The following SNX33 variants were observed in gnomAD, a reference collection of about 807,000 sequenced individuals.
The protein encoded by SNX33 is sorting nexin-33.
Under a neutral mutation model 38.8 loss-of-function variants are expected in SNX33, and 19 were observed. That is an observed-to-expected ratio of 0.49 (90% confidence interval 0.34 to 0.72). SNX33 has a LOEUF of 0.72. Ranked by LOEUF, SNX33 falls within the 30% of genes least tolerant of loss-of-function variation. SNX33 has a pLI of 0.01. For synonymous variants in SNX33, 246 were observed against 289.7 expected (o/e 0.85, Z 1.53); for missense variants, 641 against 776.4 (o/e 0.83, Z 2.07).
chr15:75,654,779 C>G (rs941525215), intron 1 of SNX33, among the ~76,000 whole-genome samples: 1 of 152,164 alleles, frequency 6.6e-6, no homozygotes, highest in South Asian at 2.1e-4. Flanking sequence ...TGTTTCCCCC[C>G]GACCTCTGCA....
rs747215400 is a variant in SNX33 at position 75,649,085 on chromosome 15, A to G, written c.-18A>G. 80 of 1,563,490 alleles carry G rather than the reference A, an allele frequency of 5.1e-5. No homozygotes were observed. The highest frequency in any genetic ancestry group is 6.7e-5 in the Non-Finnish European group (77 of 1,152,234). ...AGGACCCTCTCCTTCCCATCTTTCT[A>G]TACCACCCAGCCCAGCCATGGCACT... On this transcript the variant is annotated 5_prime_UTR_variant, in exon 1 of 2. Transcript: ENST00000308527. The surrounding 1 kb of genome is among the most constrained non-coding windows in gnomAD (Gnocchi z 6.6).
At chr15:75,655,965 T>C (rs1411637671) in intron 1 of SNX33, among the ~76,000 whole-genome samples, 1 of 152,240 alleles carries the variant, frequency 6.6e-6, no homozygotes, top group Admixed American at 6.5e-5. Context: ...AAGTCCCTTT[T>C]AATTCAGAAC....
In SNX33 at chr15:75,661,996, G is replaced by C. The variant is rs1404547055; in HGVS notation, c.*4781G>C. The C allele has an allele frequency of 6.6e-6, 1 of 152,158 alleles. No homozygotes were observed. The highest frequency in any genetic ancestry group is 2.4e-5 in the African/African-American group (1 of 41,408). 9.4% of individuals were successfully genotyped at this position (152,158 alleles called of 1,614,324 possible). ...GTGACTCAGGAGCTCCGTTTACAAA[G>C]GAACATGAGTGAGGAACATAACTTA... On this transcript the variant is annotated 3_prime_UTR_variant, in exon 2 of 2. Transcript: ENST00000308527. The surrounding 1 kb of genome is among the most constrained non-coding windows in gnomAD (Gnocchi z 4.5).
intron 1 of SNX33, among the ~76,000 whole-genome samples, chr15:75,655,690 G>A (rs543832805): frequency 7.4e-4 from 113 of 152,310 alleles, no homozygotes; most frequent in African/African-American, 2.6e-3. Context: ...GAGCCAGGGA[G>A]TGAAGAGAAT....
chr15:75,647,973 AG>A lies in SNX33; in HGVS notation c.-1128del, dbSNP rs1893517831. ...GCGGAGGGTCTGCGAGCGCCGGGGA[AG>A]GCAGGCTGGGGGCGCAGCCCGCCCC... is the stretch of plus-strand genomic sequence containing the variant. On this transcript the variant is annotated 5_prime_UTR_variant, in exon 1 of 2. Coordinates refer to ENST00000308527, the MANE Select transcript of SNX33 (RefSeq NM_153271.2). The A allele has an allele frequency of 1.0e-6, 1 of 985,206 alleles. No homozygotes were observed. 61.0% of individuals were successfully genotyped at this position (985,206 alleles called of 1,614,324 possible).
intron 1 of SNX33, 44 bp from the exon 2 acceptor site, chr15:75,656,918 A>G: frequency 6.3e-7 from 1 of 1,590,596 alleles, no homozygotes; most frequent in Non-Finnish European, 8.6e-7. Context: ...GAGCACATGG[A>G]GATCAGAGCC....
Position 75,650,392 on chromosome 15 carries a change from G to C in SNX33, c.1290G>C (p.Met430Ile). ...AFQAISHSFQ[M>I]DPPFCSEALN... is the part of the protein sequence containing the mutation. The stretch of plus-strand genomic sequence containing the variant: ...AGGCCATCAGTCATTCCTTCCAGAT[G>C]GACCCCCCCTTTTGCTCTGAGGCCC... Residue 430 changes from methionine to isoleucine, a missense_variant, in exon 1 of 2, where the codon ATG (methionine) becomes ATC (isoleucine). By Grantham distance (10) the Met-to-Ile change is conservative. Around this residue, in one of 2 missense-constraint regions of SNX33, gnomAD observed 398 missense variants for 542.5 expected, o/e 0.73. Transcript: ENST00000308527. This position sits in a 1 kb window ranked among gnomAD's most constrained non-coding sequence, Gnocchi z 6.1. 6.2e-7 allele frequency: 1 copy of C among 1,613,532 alleles called. No individual in the cohort carries two copies. Among genetic ancestry groups the C allele is most frequent in the Non-Finnish European group, 8.5e-7 (1 of 1,179,780 alleles).
At position 75,649,442 on chromosome 15, in the gene SNX33, G is replaced by A. The variant is rs373531151; in HGVS notation, c.340G>A (p.Asp114Asn). The A allele has an allele frequency of 1.5e-5, 23 of 1,537,158 alleles. No homozygotes were observed. The highest frequency in any genetic ancestry group is 1.4e-4 in the Admixed American group (7 of 50,760). ...SNQGSFEEDD[D>N]DDWDDWDDGC... The stretch of plus-strand genomic sequence containing the variant: ...CCAGGGTAGCTTTGAGGAGGATGAT[G>A]ATGATGACTGGGATGACTGGGACGA... The change falls in exon 1 of 2, where the codon GAT (aspartate) becomes AAT (asparagine). Residue 114 changes from aspartate (D) to asparagine (N), a missense_variant. By Grantham distance (23) the Asp-to-Asn change is conservative. Coordinates refer to ENST00000308527, the MANE Select transcript of SNX33 (RefSeq NM_153271.2). This position sits in a 1 kb window ranked among gnomAD's most constrained non-coding sequence, Gnocchi z 6.6.
At chr15:75,656,564 G>C (rs558538290) in intron 1 of SNX33, among the ~76,000 whole-genome samples, 1 of 152,282 alleles carries the variant, frequency 6.6e-6, no homozygotes, top group African/African-American at 2.4e-5. Flanking sequence ...TGTTGTAGCA[G>C]TCCAGTGAGG....
chr15:75,650,524 C>T lies in SNX33; in HGVS notation c.1422C>T (p.Leu474=). The T allele has an allele frequency of 1.2e-6, 2 of 1,611,432 alleles. No individual in the cohort carries two copies. The highest frequency in any genetic ancestry group is 1.3e-5 in the African/African-American group (1 of 74,928). Residue 474 remains leucine, a synonymous_variant, in exon 1 of 2, where the codon CTC becomes CTT. Coordinates refer to ENST00000308527, the MANE Select transcript of SNX33 (RefSeq NM_153271.2). This position sits in a 1 kb window ranked among gnomAD's most constrained non-coding sequence, Gnocchi z 6.1. ...DLFQMLDTLS[L]YQGLLSNFPD... The stretch of plus-strand genomic sequence containing the variant: ...TCCAGATGCTGGACACACTGTCTCT[C>T]TACCAGGGCCTGCTCTCCAACTTCC...
chr15:75,657,306 G>A lies in SNX33; in HGVS notation c.*91G>A. 2 of 1,566,832 alleles carry A rather than the reference G, an allele frequency of 1.3e-6. No individual in the cohort carries two copies. Among genetic ancestry groups the A allele is most frequent in the South Asian group, 2.4e-5 (2 of 84,888 alleles). ...CCTCCCTATACCAGCAGTGACTGGG[G>A]GAGGGGTCAGCGGTGGGGGAGATAA... On this transcript the variant is annotated 3_prime_UTR_variant, in exon 2 of 2. Transcript: ENST00000308527. The surrounding 1 kb of genome is among the most constrained non-coding windows in gnomAD (Gnocchi z 5.5).
chr15:75,654,376 T>G (rs1439911892), intron 1 of SNX33, among the ~76,000 whole-genome samples: 3 of 152,162 alleles, frequency 2.0e-5, no homozygotes, highest in African/African-American at 7.2e-5. Flanking sequence ...GCAAGAGCAG[T>G]GGCTTGCTGG....
In SNX33 at chr15:75,650,887, CAA is replaced by C. The variant is rs1893571273; in HGVS notation, c.1471+316_1471+317del. On this transcript the variant is annotated intron_variant, in intron 1 of 1. Transcript: ENST00000308527. The surrounding 1 kb of genome is among the most constrained non-coding windows in gnomAD (Gnocchi z 6.1). ...ACAAACAAACAAACAAACAAACAAA[CAA>C]ATGTGTTGAATATCAACTCTGTGTC... Among the ~76,000 whole-genome samples the C allele has an allele frequency of 1.3e-5, 2 of 152,114 alleles. No homozygotes were observed.
At chr15:75,651,952 G>C (rs574323095) in intron 1 of SNX33, among the ~76,000 whole-genome samples, 3 of 151,934 alleles carry the variant, frequency 2.0e-5, no homozygotes, top group African/African-American at 7.3e-5. Context: ...AACTTCTCCA[G>C]CTCCCAGCCT....
In SNX33 at chr15:75,648,342, CG is replaced by C. The variant is rs1893524238; in HGVS notation, c.-757del. ...GGGTTGGGGCTGGCCACTTCTGGGGCGGGGAGAGGGCGCCCGAGCCGGCGGG... is the reference window on the plus strand; with the variant it reads ...GGGTTGGGGCTGGCCACTTCTGGGGCGGGAGAGGGCGCCCGAGCCGGCGGG... On this transcript the variant is annotated 5_prime_UTR_variant, in exon 1 of 2. Transcript: ENST00000308527. This position sits in a 1 kb window ranked among gnomAD's most constrained non-coding sequence, Gnocchi z 4.4. The C allele has an allele frequency of 1.0e-6, 1 of 984,622 alleles. No homozygotes were observed. Among genetic ancestry groups the C allele is most frequent in the African/African-American group, 1.8e-5 (1 of 57,060 alleles). The allele number at this position is 984,622 out of a possible 1,614,324, so 61.0% of individuals were successfully genotyped here.
Position 75,649,318 on chromosome 15 carries a change from C to A in SNX33, c.216C>A (p.Ser72Arg). Residue 72 changes from serine to arginine, a missense_variant, in exon 1 of 2, where the codon AGC becomes AGA. This residue lies in a region of SNX33 where 243 missense variants were observed against 233.9 expected (regional missense o/e 1.04). Coordinates refer to ENST00000308527, the MANE Select transcript of SNX33 (RefSeq NM_153271.2). This position sits in a 1 kb window ranked among gnomAD's most constrained non-coding sequence, Gnocchi z 6.6. ...GISTNHADYS[S>R]SPAGSPGAQV... ...GCACCAACCATGCTGACTACTCCAG[C>A]AGCCCTGCAGGCTCTCCCGGAGCCC... 6.3e-7 allele frequency: 1 copy of A among 1,595,192 alleles called. No individual in the cohort carries two copies.
chr15:75,648,081 C>T lies in SNX33; in HGVS notation c.-1022C>T, dbSNP rs1893519423. On this transcript the variant is annotated 5_prime_UTR_variant, in exon 1 of 2. Coordinates refer to ENST00000308527, the MANE Select transcript of SNX33 (RefSeq NM_153271.2). The surrounding 1 kb of genome is among the most constrained non-coding windows in gnomAD (Gnocchi z 4.4). ...CGCCATCTGCTCGCCGGAGCTCACT[C>T]TCCAAACTCCAAACTGTTGAGTGTG... is the stretch of plus-strand genomic sequence containing the variant. The T allele has an allele frequency of 1.0e-6, 1 of 985,354 alleles. No homozygotes were observed. Among genetic ancestry groups the T allele is most frequent in the Admixed American group, 6.1e-5 (1 of 16,272 alleles). 61.0% of individuals were successfully genotyped at this position (985,354 alleles called of 1,614,324 possible). A position where few individuals can be genotyped will look rare whatever the true frequency, so the allele number is the denominator to read the frequency against.
chr15:75,648,022 C>A lies in SNX33; in HGVS notation c.-1081C>A. On this transcript the variant is annotated 5_prime_UTR_variant, in exon 1 of 2. Transcript: ENST00000308527. The surrounding 1 kb of genome is among the most constrained non-coding windows in gnomAD (Gnocchi z 4.4). ...CCCCCACTGGCCGGGCCCCGCAGGG[C>A]GGAGAGGAGGACGGACGGACAGACG... The A allele has an allele frequency of 4.1e-6, 4 of 985,464 alleles. No homozygotes were observed. Among genetic ancestry groups the A allele is most frequent in the Non-Finnish European group, 4.8e-6 (4 of 829,954 alleles). The allele number at this position is 985,464 out of a possible 1,614,324, so 61.0% of individuals were successfully genotyped here.
In SNX33 at chr15:75,649,586, C is replaced by G; in HGVS notation, c.484C>G (p.Pro162Ala). 1 of 1,613,914 alleles carries G rather than the reference C, an allele frequency of 6.2e-7. No individual in the cohort carries two copies. The highest frequency in any genetic ancestry group is 8.5e-7 in the Non-Finnish European group (1 of 1,179,890). Residue 162 changes from proline (P) to alanine (A), a missense_variant, in exon 1 of 2, where the codon CCA (proline) becomes GCA (alanine). Around this residue, in one of 2 missense-constraint regions of SNX33, gnomAD observed 243 missense variants for 233.9 expected, o/e 1.04. Coordinates refer to ENST00000308527, the MANE Select transcript of SNX33 (RefSeq NM_153271.2). The surrounding 1 kb of genome is among the most constrained non-coding windows in gnomAD (Gnocchi z 6.6). Reference sequence around the variant, plus strand: ...CCAGCACATGGCCTTCCGGCCCAAGCCACCACTGGAGCGGCAGGACAGCCT... The same window carrying G: ...CCAGCACATGGCCTTCCGGCCCAAGGCACCACTGGAGCGGCAGGACAGCCT... ...PSQHMAFRPK[P>A]PLERQDSLAS...
Sources: allele counts gnomAD v4.1 joint callset (sites outside exome capture counted in the v4.1 genomes callset), GRCh38; gene constraint gnomAD v4.1.1; regional missense constraint gnomAD v4.1.1; non-coding constraint Gnocchi (gnomAD v3.1); transcripts MANE v1.5; gene names NCBI Gene and HGNC (gene_info 2026-07-23, HGNC 2026-07-21).